The following PDK1 variants were observed in gnomAD, a reference collection of about 807,000 sequenced individuals.
The protein encoded by PDK1 is pyruvate dehydrogenase kinase 1.
A neutral mutation model predicts 54.2 loss-of-function variants in PDK1; 39 were observed. That is an observed-to-expected ratio of 0.72 (90% CI 0.56 to 0.94). PDK1 has a LOEUF of 0.94. Ranked by LOEUF, PDK1 falls within the 40% of genes least tolerant of loss-of-function variation. The probability of loss-of-function intolerance (pLI) is 0.00; values close to 1 mark genes in which losing one functional copy is unlikely to be tolerated. For synonymous variants in PDK1, 221 were observed against 207.1 expected (o/e 1.07, Z -0.58); for missense variants, 552 against 566.0 (o/e 0.98, Z 0.25).
intron 1 of PDK1, 59 bp downstream of exon 1, chr2:172,556,405 C>A: frequency 7.9e-7 from 1 of 1,273,880 alleles, no homozygotes; most frequent in Non-Finnish European, 1.0e-6. Flanking sequence ...GAGCTGCGGC[C>A]GCTGCCCCAG....
At chr2:172,612,309 C>T (rs953135732), downstream of PDK1, among the ~76,000 whole-genome samples, 1 of 152,194 alleles carries the variant, frequency 6.6e-6, no homozygotes, top group African/African-American at 2.4e-5. Flanking sequence ...TTAACTAATT[C>T]CTGAGTTAAT....
chr2:172,566,711 AAG>A, intron 5 of PDK1, 143 bp from the exon 6 acceptor site: 3 of 503,924 alleles, frequency 6.0e-6, no homozygotes, highest in South Asian at 3.2e-5. Flanking sequence ...AAAAAAAAAA[AAG>A]CAGACTTTCA....
chr2:172,610,087 G>A (rs1691415883), downstream of PDK1, among the ~76,000 whole-genome samples: 1 of 152,106 alleles, frequency 6.6e-6, no homozygotes, highest in African/African-American at 2.4e-5. Context: ...CTCCCAAGGT[G>A]CTGGGATTAC....
intron 8 of PDK1, among the ~76,000 whole-genome samples, chr2:172,575,966 C>T (rs1338244481): frequency 1.3e-5 from 2 of 152,072 alleles, no homozygotes; most frequent in African/African-American, 2.4e-5. Flanking sequence ...CTTGCTCTGT[C>T]GCCCAGGCTG....
At chr2:172,595,185 TCA>T (rs1690822174) in intron 10 of PDK1, among the ~76,000 whole-genome samples, 1 of 152,160 alleles carries the variant, frequency 6.6e-6, no homozygotes, top group African/African-American at 2.4e-5. Context: ...TCCTCCTCTC[TCA>T]GTCTCCCAAG....
At chr2:172,718,667 A>G in the PDK1 span, among the ~76,000 whole-genome samples, 2 of 152,130 alleles carry the variant, frequency 1.3e-5, no homozygotes, top group Non-Finnish European at 2.9e-5. Flanking sequence ...GTGATAAGGC[A>G]AGGTCTCATG....
intron 2 of PDK1, among the ~76,000 whole-genome samples, chr2:172,560,211 G>A (rs2149192893): frequency 6.6e-6 from 1 of 152,296 alleles, no homozygotes; most frequent in Admixed American, 6.5e-5. Flanking sequence ...CCAGGCTAGA[G>A]TGCAGTAGTG....
the PDK1 span, among the ~76,000 whole-genome samples, chr2:172,681,618 C>T: frequency 6.6e-6 from 1 of 152,078 alleles, no homozygotes; most frequent in African/African-American, 2.4e-5. Context: ...ACATGATGTT[C>T]TAGTTGCGGA....
the PDK1 span, among the ~76,000 whole-genome samples, chr2:172,720,755 C>T: frequency 6.6e-6 from 1 of 152,150 alleles, no homozygotes; most frequent in Non-Finnish European, 1.5e-5. Flanking sequence ...CTTTCTCTAG[C>T]TGTAATGGGT....
At chr2:172,665,059 G>C in the PDK1 span, among the ~76,000 whole-genome samples, 2 of 152,142 alleles carry the variant, frequency 1.3e-5, no homozygotes, top group African/African-American at 4.8e-5. Context: ...AGAGAGAGTT[G>C]TGAATCCTCT....
chr2:172,654,918 C>T, the PDK1 span, among the ~76,000 whole-genome samples: 1 of 152,064 alleles, frequency 6.6e-6, no homozygotes, highest in African/African-American at 2.4e-5. Context: ...AATACAAGCA[C>T]GAAAGCCTGT....
the PDK1 span, among the ~76,000 whole-genome samples, chr2:172,683,615 G>T: frequency 1.3e-5 from 2 of 152,184 alleles, no homozygotes; most frequent in Non-Finnish European, 2.9e-5. Context: ...AGTTTAGGAA[G>T]ATGTCTTCCC....
At chr2:172,579,554 AGAG>A (rs892899720) in intron 8 of PDK1, among the ~76,000 whole-genome samples, 1 of 111,336 alleles carries the variant, frequency 9.0e-6, no homozygotes, top group Non-Finnish European at 1.7e-5. Context: ...GTGCTTTGAT[AGAG>A]GAGAGACTTT....
At chr2:172,566,539 C>G (rs11902846) in intron 5 of PDK1, among the ~76,000 whole-genome samples, 12 of 151,252 alleles carry the variant, frequency 7.9e-5, no homozygotes, top group African/African-American at 2.9e-4. Flanking sequence ...CCTGGTTGAT[C>G]GAGACTCCGT....
the PDK1 span, among the ~76,000 whole-genome samples, chr2:172,712,109 T>G: frequency 6.6e-6 from 1 of 152,140 alleles, no homozygotes; most frequent in Non-Finnish European, 1.5e-5. Context: ...TAGAAACTAT[T>G]GTCTTAAACC....
At chr2:172,654,955 A>G in the PDK1 span, among the ~76,000 whole-genome samples, 3,392 of 152,244 alleles carry the variant, frequency 0.022, 54 homozygotes, top group South Asian at 0.049. Flanking sequence ...GGATTTTGTC[A>G]GTTATACTCA....
At chr2:172,562,920 G>A in intron 3 of PDK1, 1 of 839,884 alleles carries the variant, frequency 1.2e-6, no homozygotes, top group African/African-American at 1.7e-5. Flanking sequence ...ACCATCTCTT[G>A]TCCTCAGTTA....
At chr2:172,642,487 G>A in the PDK1 span, among the ~76,000 whole-genome samples, 1 of 152,156 alleles carries the variant, frequency 6.6e-6, no homozygotes. Flanking sequence ...CTGGGAACTC[G>A]CTAAAATGCA....
the PDK1 span, among the ~76,000 whole-genome samples, chr2:172,618,400 G>A: frequency 6.6e-6 from 1 of 152,224 alleles, no homozygotes; most frequent in African/African-American, 2.4e-5. Flanking sequence ...TTGGTCCAAT[G>A]TTTGGACAAT....
Sources: gnomAD v4.1 joint callset for allele counts (sites outside exome capture counted in the v4.1 genomes callset) on GRCh38, gnomAD v4.1.1 for gene constraint, MANE v1.5 for transcripts, NCBI Gene and HGNC (gene_info 2026-07-23, HGNC 2026-07-21) for gene names.